The following PKHD1 variants were observed in gnomAD, a reference collection of about 807,000 sequenced individuals.
PKHD1 encodes the protein PKHD1 ciliary IPT domain containing fibrocystin/polyductin.
A neutral mutation model predicts 412.0 loss-of-function variants in PKHD1; 291 were observed. That is an observed-to-expected ratio of 0.71 (90% confidence interval 0.64 to 0.78). The LOEUF is 0.78. PKHD1 is among the 30% of genes least tolerant of loss of function. The pLI is 0.00. For synonymous variants in PKHD1, 1,777 were observed against 1,821.5 expected (o/e 0.98, Z 0.62); for missense variants, 4,825 against 4,950.7 (o/e 0.97, Z 0.76).
chr6:51,771,238 C>G (rs1175278855), intron 55 of PKHD1, among the ~76,000 whole-genome samples: 1 of 151,878 alleles, frequency 6.6e-6, no homozygotes, highest in Non-Finnish European at 1.5e-5. Flanking sequence ...ACATAACCTA[C>G]TGATTATGTA....
intron 52 of PKHD1, among the ~76,000 whole-genome samples, chr6:51,828,367 G>A (rs1470250461): frequency 6.6e-6 from 1 of 151,700 alleles, no homozygotes; most frequent in Non-Finnish European, 1.5e-5. Flanking sequence ...TAGAGTGGTA[G>A]TGAGAATTAT....
chr6:52,070,574 G>GC lies in PKHD1; in HGVS notation c.668-130_668-129insG, dbSNP rs1345204503. 15 of 686,926 alleles carry GC rather than the reference G, an allele frequency of 2.2e-5. 1 individual carries two copies. The highest frequency in any genetic ancestry group is 2.1e-4 in the East Asian group (8 of 38,068). The allele number at this position is 686,926 out of a possible 1,614,324, so 42.6% of individuals were successfully genotyped here. On this transcript the variant is annotated intron_variant, in intron 9 of 66. Transcript: ENST00000371117. The stretch of plus-strand genomic sequence containing the variant: ...ACCCAAACCTGTAATTTCTTTAGTG[G>GC]TTCCCCCCCGCAAAAACAAACAAAC...
At chr6:51,874,380 A>G (rs553111914) in intron 46 of PKHD1, among the ~76,000 whole-genome samples, 6 of 152,330 alleles carry the variant, frequency 3.9e-5, no homozygotes, top group Non-Finnish European at 8.8e-5. Context: ...GTCATGCTAT[A>G]TAGCACATGT....
At chr6:51,902,397 G>A (rs1449179725) in intron 43 of PKHD1, among the ~76,000 whole-genome samples, 1 of 152,102 alleles carries the variant, frequency 6.6e-6, no homozygotes, top group Non-Finnish European at 1.5e-5. Context: ...TGGGATCTGG[G>A]TTCCTACAGT....
At chr6:51,919,902 G>T (rs1176658071) in intron 37 of PKHD1, among the ~76,000 whole-genome samples, 1 of 152,192 alleles carries the variant, frequency 6.6e-6, no homozygotes, top group Non-Finnish European at 1.5e-5. Context: ...AATTGTGAAT[G>T]GGAGTTCACT....
At chr6:51,638,096 T>C (rs1768821449) in intron 64 of PKHD1, among the ~76,000 whole-genome samples, 1 of 152,238 alleles carries the variant, frequency 6.6e-6, no homozygotes, top group African/African-American at 2.4e-5. Context: ...TTGTAGAAGA[T>C]TGACATGCTG....
At chr6:51,909,543 T>C in intron 39 of PKHD1, 69 bp from the exon 40 acceptor site, 1 of 1,200,298 alleles carries the variant, frequency 8.3e-7, no homozygotes, top group Non-Finnish European at 1.2e-6. Context: ...ATCTCCCAGT[T>C]TGAAAGGTAC....
intron 37 of PKHD1, among the ~76,000 whole-genome samples, chr6:51,928,072 A>C (rs1174608853): frequency 2.0e-5 from 3 of 152,050 alleles, no homozygotes; most frequent in Non-Finnish European, 4.4e-5. Context: ...AGCTTGTTAA[A>C]CCTCTCACCT....
intron 29 of PKHD1, among the ~76,000 whole-genome samples, chr6:52,031,947 A>G (rs1340520621): frequency 2.0e-5 from 3 of 152,178 alleles, no homozygotes; most frequent in Admixed American, 6.5e-5. Context: ...GATATAATGT[A>G]TTTATTCTTT....
In PKHD1 at chr6:51,830,864, G is replaced by A. The variant is rs764600547; in HGVS notation, c.8299C>T (p.Pro2767Ser). 9 of 1,612,508 alleles carry A rather than the reference G, an allele frequency of 5.6e-6. No homozygotes were observed. The highest frequency in any genetic ancestry group is 7.6e-6 in the Non-Finnish European group (9 of 1,178,858). ...TCTCTTGGGTAGTTTTACTCACTGG[G>A]TAAAATGAGAACGTCATCCCCAGGG... ...PGPGDDVLIL[P>S]NRTVLVDTDL... The change falls in exon 52 of 67, where the codon CCC becomes TCC. Residue 2767 changes from proline (P) to serine (S), a missense_variant. By Grantham distance (74) the Pro-to-Ser change is moderately conservative (BLOSUM62 -1). Coordinates refer to ENST00000371117, the MANE Select transcript of PKHD1 (RefSeq NM_138694.4).
At chr6:51,869,793 A>AT (rs1775685672) in intron 47 of PKHD1, among the ~76,000 whole-genome samples, 4 of 152,096 alleles carry the variant, frequency 2.6e-5, no homozygotes, top group Admixed American at 1.3e-4. Context: ...AGGAAAAAAA[A>AT]GTAAAGTGGA....
chr6:51,928,757 T>A (rs1341642807), intron 37 of PKHD1, among the ~76,000 whole-genome samples: 1 of 151,720 alleles, frequency 6.6e-6, no homozygotes, highest in Admixed American at 6.6e-5. Flanking sequence ...CAATAAGGAG[T>A]AGGAGAGAGT....
chr6:51,728,916 T>C (rs1475968993), intron 60 of PKHD1, among the ~76,000 whole-genome samples: 1 of 152,226 alleles, frequency 6.6e-6, no homozygotes, highest in Non-Finnish European at 1.5e-5. Flanking sequence ...ATTTAGTGCT[T>C]ATCCTATGAC....
intron 35 of PKHD1, among the ~76,000 whole-genome samples, chr6:52,009,453 G>A (rs1052277351): frequency 6.6e-5 from 10 of 152,182 alleles, no homozygotes; most frequent in African/African-American, 1.9e-4. Flanking sequence ...AATCTGGTAC[G>A]GCGAGTGCCA....
At chr6:51,768,269 A>G (rs909686502) in intron 55 of PKHD1, among the ~76,000 whole-genome samples, 17 of 151,938 alleles carry the variant, frequency 1.1e-4, no homozygotes, top group Admixed American at 3.3e-4. Flanking sequence ...ATTATTCCAA[A>G]GAATTTAATG....
chr6:51,998,692 T>G (rs907065631), intron 35 of PKHD1, among the ~76,000 whole-genome samples: 2 of 152,170 alleles, frequency 1.3e-5, no homozygotes, highest in Non-Finnish European at 2.9e-5. Flanking sequence ...TTTTTTCCCT[T>G]TTTTTAATGT....
chr6:52,047,912 C>T (rs1806116282), intron 23 of PKHD1, among the ~76,000 whole-genome samples: 1 of 152,168 alleles, frequency 6.6e-6, no homozygotes, highest in South Asian at 2.1e-4. Flanking sequence ...GGCTAAGGGT[C>T]TTGAGAGGAA....
chr6:51,822,013 C>A (rs1215839823), intron 52 of PKHD1, among the ~76,000 whole-genome samples: 3 of 152,078 alleles, frequency 2.0e-5, no homozygotes, highest in Non-Finnish European at 1.5e-5. Context: ...ATGACATAAC[C>A]TATTCTATTT....
chr6:51,933,978 AG>A, intron 37 of PKHD1, 131 bp downstream of exon 37: 1 of 719,512 alleles, frequency 1.4e-6, no homozygotes, highest in Non-Finnish European at 2.5e-6. Context: ...TTGTTATTTA[AG>A]GAAATAGTGC....
Sources: gnomAD v4.1 joint callset for allele counts (sites outside exome capture counted in the v4.1 genomes callset) on GRCh38, gnomAD v4.1.1 for gene constraint, MANE v1.5 for transcripts, NCBI Gene and HGNC (gene_info 2026-07-23, HGNC 2026-07-21) for gene names.